Variants in IL1R1 observed in about 807,000 individuals in gnomAD.
IL1R1 encodes the protein interleukin 1 receptor type 1.
Under a neutral mutation model 50.2 loss-of-function variants are expected in IL1R1, and 22 were observed. The observed-to-expected ratio is 0.44, with a 90% confidence interval of 0.31 to 0.63. The LOEUF is 0.63. Among genes scored for constraint, IL1R1 ranks in the 20% least tolerant of loss-of-function variants. The pLI is 0.07. For missense variants in IL1R1, 509 were observed against 676.2 expected (o/e 0.75, Z 2.74); for synonymous variants, 251 against 236.7 (o/e 1.06, Z -0.55).
At chr2:102,101,642 T>C (rs1331352203), upstream of IL1R1, among the ~76,000 whole-genome samples, 1 of 152,266 alleles carries the variant, frequency 6.6e-6, no homozygotes, top group African/African-American at 2.4e-5. Flanking sequence ...CAATTCTGAA[T>C]GTGTAAACTT....
intron 1 of IL1R1, among the ~76,000 whole-genome samples, chr2:102,133,301 C>G (rs1467357374): frequency 2.6e-5 from 4 of 151,026 alleles, no homozygotes; most frequent in Non-Finnish European, 4.4e-5. Flanking sequence ...GATAACACGT[C>G]TTGTGAATTC....
intron 11 of IL1R1, 36 bp from the exon 12 acceptor site, chr2:102,176,317 A>C: frequency 6.3e-7 from 1 of 1,583,688 alleles, no homozygotes; most frequent in Non-Finnish European, 8.6e-7. Flanking sequence ...TGATAAATAG[A>C]ATTTTACTTA....
intron 1 of IL1R1, among the ~76,000 whole-genome samples, chr2:102,096,045 C>A (rs976364476): frequency 2.6e-5 from 4 of 152,120 alleles, no homozygotes; most frequent in African/African-American, 9.7e-5. Flanking sequence ...ACTATTCTTC[C>A]TTTTTTCATT....
chr2:102,138,013 TTACA>T (rs1483512707), upstream of IL1R1, among the ~76,000 whole-genome samples: 3 of 152,298 alleles, frequency 2.0e-5, no homozygotes, highest in East Asian at 5.8e-4. Flanking sequence ...GGAAAGAGTA[TTACA>T]TTTAAGAATA....
chr2:102,134,919 C>T lies in IL1R1; in HGVS notation c.-83-19022C>T, dbSNP rs80072826. On this transcript the variant is annotated intron_variant, in intron 1 of 10. Transcript: ENST00000409329. Reference sequence around the variant, plus strand: ...ACCTACACCTGTTTTTCACGGGCATCTTCTAATTTAGAGACTGTTTCCCTG... The same window carrying T: ...ACCTACACCTGTTTTTCACGGGCATTTTCTAATTTAGAGACTGTTTCCCTG... Among the ~76,000 whole-genome samples, 921 of 152,256 alleles carry T rather than the reference C, an allele frequency of 6.0e-3. 13 individuals are homozygous for T. The highest frequency in any genetic ancestry group is 0.022 in the African/African-American group (896 of 41,530).
chr2:102,156,384 A>G lies in IL1R1; in HGVS notation c.-6-1335A>G, dbSNP rs1402998783. 2.0e-5 allele frequency: 3 copies of G among 152,676 alleles called. No homozygotes were observed. In the East Asian group the frequency reaches 5.8e-4, roughly 29 times the overall value. 9.5% of individuals were successfully genotyped at this position (152,676 alleles called of 1,614,324 possible). On this transcript the variant is annotated intron_variant, in intron 2 of 11. Transcript: ENST00000410023. ...AGGTTTCAAGGCTTGAGCCAGGCTT[A>G]GAGATCTTTGTCCTGATACTGGGGA...
At chr2:102,125,020 T>C (rs565301482) in intron 1 of IL1R1, among the ~76,000 whole-genome samples, 1 of 152,216 alleles carries the variant, frequency 6.6e-6, no homozygotes, top group East Asian at 1.9e-4. Context: ...GGTTCCTCCC[T>C]TGACACATGG....
intron 1 of IL1R1, among the ~76,000 whole-genome samples, chr2:102,079,182 G>C (rs1349855355): frequency 6.6e-6 from 1 of 152,156 alleles, no homozygotes; most frequent in African/African-American, 2.4e-5. Flanking sequence ...TCAAAGACCA[G>C]TAGCTTTCCC....
chr2:102,095,776 G>A (rs56193008), intron 1 of IL1R1, among the ~76,000 whole-genome samples: 41,414 of 152,036 alleles, frequency 0.27, 7,030 homozygotes, highest in Non-Finnish European at 0.36. Context: ...AGGCCGAGGC[G>A]GGCGGATCAT....
Position 102,175,369 on chromosome 2 carries a change from TA to T in IL1R1, c.1136-108del, listed in dbSNP as rs1686035845. The stretch of plus-strand genomic sequence containing the variant: ...TATTGCTGCTTCAGTCATGCCATTG[TA>T]TAAAAAAAGATGAATAGTTCATTAT... On this transcript the variant is annotated intron_variant, in intron 10 of 11. Transcript: ENST00000410023. 1.1e-5 allele frequency: 9 copies of T among 817,716 alleles called. No individual in the cohort carries two copies. The East Asian group carries it at 2.2e-4, about 20-fold the overall frequency. 50.7% of individuals were successfully genotyped at this position (817,716 alleles called of 1,614,324 possible).
intron 1 of IL1R1, among the ~76,000 whole-genome samples, chr2:102,080,663 T>A (rs1243123157): frequency 1.3e-5 from 2 of 152,218 alleles, no homozygotes; most frequent in African/African-American, 4.8e-5. Flanking sequence ...TGTGGTTCTT[T>A]GAAATGTTCA....
chr2:102,152,112 T>G (rs1683718983), intron 1 of IL1R1, among the ~76,000 whole-genome samples: 1 of 151,760 alleles, frequency 6.6e-6, no homozygotes, highest in African/African-American at 2.4e-5. Context: ...AGAGGGCACA[T>G]GGTGGTCGCT....
chr2:102,179,781 TG>T lies in IL1R1; in HGVS notation c.*3023del, dbSNP rs1281561779. On this transcript the variant is annotated 3_prime_UTR_variant, in exon 12 of 12. Transcript: ENST00000410023. Reference sequence around the variant, plus strand: ...ATTTTGCAGCAGAAGCCAAATTTTTTGTATATTAAAGCACCAAATTCATGTA... The same window carrying T: ...ATTTTGCAGCAGAAGCCAAATTTTTTTATATTAAAGCACCAAATTCATGTA... The T allele has an allele frequency of 6.5e-6, 1 of 152,820 alleles. No homozygotes were observed. The highest frequency in any genetic ancestry group is 1.9e-4 in the East Asian group (1 of 5,338). The allele number at this position is 152,820 out of a possible 1,614,324, so 9.5% of individuals were successfully genotyped here. A position where few individuals can be genotyped will look rare whatever the true frequency, so the allele number is the denominator to read the frequency against.
intron 1 of IL1R1, among the ~76,000 whole-genome samples, chr2:102,127,903 T>G (rs1681813964): frequency 6.6e-6 from 1 of 152,170 alleles, no homozygotes; most frequent in Non-Finnish European, 1.5e-5. Flanking sequence ...ATGGCAATAA[T>G]TAAATTTCTG....
chr2:102,083,099 A>G (rs1471554622), intron 1 of IL1R1, among the ~76,000 whole-genome samples: 2 of 152,180 alleles, frequency 1.3e-5, no homozygotes, highest in African/African-American at 2.4e-5. Context: ...GATGCTCCGC[A>G]TGAAGGGATT....
At position 102,156,045 on chromosome 2, in the gene IL1R1, C is replaced by G. The variant is rs1684156921; in HGVS notation, c.-6-1674C>G. ...CAGTGTTCATCTGATTTTGCAATGC[C>G]CTTATTTTGTTGTTGATAAACTAAT... On this transcript the variant is annotated intron_variant, in intron 2 of 11. Coordinates refer to ENST00000410023, the MANE Select transcript of IL1R1 (RefSeq NM_000877.4). The G allele has an allele frequency of 2.0e-5, 3 of 152,160 alleles. No individual in the cohort carries two copies. The South Asian group carries it at 6.2e-4, about 32-fold the overall frequency. The allele number at this position is 152,160 out of a possible 1,614,324, so 9.4% of individuals were successfully genotyped here.
chr2:102,165,379 C>A, intron 5 of IL1R1, 75 bp downstream of exon 5: 1 of 714,902 alleles, frequency 1.4e-6, no homozygotes, highest in South Asian at 3.3e-5. Flanking sequence ...AATGTATCTG[C>A]AAAGTACCTT....
chr2:102,120,104 A>G (rs984867639), intron 1 of IL1R1, among the ~76,000 whole-genome samples: 15 of 152,038 alleles, frequency 9.9e-5, no homozygotes, highest in Admixed American at 9.2e-4. Flanking sequence ...TTCAGTGCTT[A>G]TTTGGCCAGA....
In IL1R1 at chr2:102,127,618, A is replaced by C. The variant is rs142413381; in HGVS notation, c.-84+22746A>C. On this transcript the variant is annotated intron_variant, in intron 1 of 10. Coordinates refer to the IL1R1 transcript ENST00000409329. ...ATGGTGACACATGCTAGGAAACCCCAGTAGGGACTTCAGGTAAGACAGAGA... is the reference window on the plus strand; with the variant it reads ...ATGGTGACACATGCTAGGAAACCCCCGTAGGGACTTCAGGTAAGACAGAGA... 6.2e-3 allele frequency among the ~76,000 whole-genome samples: 941 copies of C among 151,766 alleles called. 17 individuals are homozygous for C. Among genetic ancestry groups the C allele is most frequent in the African/African-American group, 0.021 (885 of 41,364 alleles).
Sources: allele counts gnomAD v4.1 joint callset (sites outside exome capture counted in the v4.1 genomes callset), GRCh38; gene constraint gnomAD v4.1.1; transcripts MANE v1.5; gene names NCBI Gene and HGNC (gene_info 2026-07-23, HGNC 2026-07-21).